The following GUCY1B1 variants were observed in gnomAD, a reference collection of about 807,000 sequenced individuals.
GUCY1B1 encodes the protein guanylate cyclase 1 soluble subunit beta 1.
A neutral mutation model predicts 71.0 loss-of-function variants in GUCY1B1; 43 were observed. The ratio of observed to expected loss-of-function variants is 0.61; its 90% confidence interval spans 0.47 to 0.78. GUCY1B1 has a LOEUF of 0.78. Among genes scored for constraint, GUCY1B1 ranks in the 30% least tolerant of loss-of-function variants. GUCY1B1 has a pLI of 0.00. For synonymous variants in GUCY1B1, 266 were observed against 259.7 expected (o/e 1.02, Z -0.23); for missense variants, 535 against 754.1 (o/e 0.71, Z 3.40).
rs979612279 is a variant in GUCY1B1, at chr4:155,785,738, T to C, written c.298-3976T>C. On this transcript the variant is annotated intron_variant, in intron 4 of 13. Coordinates refer to ENST00000264424, the MANE Select transcript of GUCY1B1 (RefSeq NM_000857.5). ...GTAATTACTTTAAATTTTGAAAGAG[T>C]AAAGCCAAGTAAGGAAGGTTGTAAC... Among the ~76,000 whole-genome samples the C allele has an allele frequency of 5.9e-5, 9 of 152,130 alleles. 1 individual carries two copies. In the East Asian group the frequency reaches 1.7e-3, roughly 29 times the overall value.
At chr4:155,782,119 A>T (rs1232333165) in intron 4 of GUCY1B1, among the ~76,000 whole-genome samples, 1 of 152,084 alleles carries the variant, frequency 6.6e-6, no homozygotes, top group African/African-American at 2.4e-5. Context: ...TCTGTCGCCC[A>T]GGCTGGAGTG....
chr4:155,778,470 C>T (rs117144794), intron 4 of GUCY1B1, among the ~76,000 whole-genome samples: 1 of 152,190 alleles, frequency 6.6e-6, no homozygotes, highest in Non-Finnish European at 1.5e-5. Flanking sequence ...GATGTCAGTG[C>T]AATACTAGCT....
intron 7 of GUCY1B1, among the ~76,000 whole-genome samples, 184 bp downstream of exon 7, chr4:155,795,641 T>C (rs1224552905): frequency 6.6e-6 from 1 of 152,288 alleles, no homozygotes; most frequent in East Asian, 1.9e-4. Context: ...TGGAACTCTA[T>C]CAACTGATTA....
rs1739986844 is a variant in GUCY1B1 at position 155,802,001 on chromosome 4, C to A, written c.1176-341C>A. 1.3e-5 allele frequency among the ~76,000 whole-genome samples: 2 copies of A among 152,118 alleles called. No homozygotes were observed. On this transcript the variant is annotated intron_variant, in intron 9 of 13. Coordinates refer to ENST00000264424, the MANE Select transcript of GUCY1B1 (RefSeq NM_000857.5). This position sits in a 1 kb window ranked among gnomAD's most constrained non-coding sequence, Gnocchi z 4.3. ...ATGACAGTCTTCATACTGTGACTATCGTAATAGCAGGGTCAGAATACAGGA... is the reference window on the plus strand; with the variant it reads ...ATGACAGTCTTCATACTGTGACTATAGTAATAGCAGGGTCAGAATACAGGA...
Position 155,777,524 on chromosome 4 carries a change from A to T in GUCY1B1, c.179A>T (p.Asn60Ile). ...TTCCCCTCTTGAATTTGTAAAATAG[A>T]TCTCAATGCTGGAGAAATCCTCCAA... ...DLVAAASKVL[N>I]LNAGEILQMF... Residue 60 changes from asparagine to isoleucine, a missense_variant and splice_region_variant, in exon 4 of 14, where the codon AAT becomes ATT. Transcript: ENST00000264424. 6.6e-7 allele frequency: 1 copy of T among 1,513,040 alleles called. No homozygotes were observed. The highest frequency in any genetic ancestry group is 9.2e-7 in the Non-Finnish European group (1 of 1,088,284). The allele number at this position is 1,513,040 out of a possible 1,614,324, so 93.7% of individuals were successfully genotyped here.
intron 4 of GUCY1B1, among the ~76,000 whole-genome samples, 191 bp from the exon 5 acceptor site, chr4:155,789,523 A>C (rs965809590): frequency 8.6e-5 from 13 of 152,034 alleles, no homozygotes; most frequent in Non-Finnish European, 1.8e-4. Flanking sequence ...TAATTCTACT[A>C]TCTTAGTTTC....
At chr4:155,806,274 C>A in intron 13 of GUCY1B1, 112 bp from the exon 14 acceptor site, 1 of 648,538 alleles carries the variant, frequency 1.5e-6, no homozygotes, top group Non-Finnish European at 2.7e-6. Flanking sequence ...TTTACAGAAA[C>A]TGTAGATGTG....
chr4:155,772,871 A>G, intron 2 of GUCY1B1: 1 of 691,704 alleles, frequency 1.4e-6, no homozygotes, highest in Admixed American at 2.0e-5. Context: ...CAAATAAATT[A>G]TAAGCTCTGA....
chr4:155,795,892 A>G (rs968851666), intron 7 of GUCY1B1, among the ~76,000 whole-genome samples: 1 of 152,142 alleles, frequency 6.6e-6, no homozygotes, highest in Admixed American at 6.6e-5. Context: ...CACACAGTTG[A>G]TAATTTAGAT....
At chr4:155,776,877 T>C (rs1042480931) in intron 3 of GUCY1B1, among the ~76,000 whole-genome samples, 1 of 152,152 alleles carries the variant, frequency 6.6e-6, no homozygotes, top group African/African-American at 2.4e-5. Flanking sequence ...AAAAAAGAAG[T>C]AGTATATCAA....
intron 11 of GUCY1B1, 49 bp from the exon 12 acceptor site, chr4:155,804,544 T>G (rs1385507434): frequency 6.8e-7 from 1 of 1,470,996 alleles, no homozygotes; most frequent in Non-Finnish European, 9.3e-7. Context: ...AAAAAAAAAT[T>G]CATGTGTTAG....
intron 5 of GUCY1B1, among the ~76,000 whole-genome samples, chr4:155,791,216 G>C (rs1579235916): frequency 6.6e-6 from 1 of 150,898 alleles, no homozygotes; most frequent in Non-Finnish European, 1.5e-5. Context: ...CCGGGTTCAC[G>C]CCATTCTCCT....
chr4:155,771,336 G>A (rs890204741), intron 2 of GUCY1B1, among the ~76,000 whole-genome samples: 4 of 152,196 alleles, frequency 2.6e-5, no homozygotes, highest in Non-Finnish European at 4.4e-5. Flanking sequence ...AGAGAGAAAG[G>A]AAAGGACCAA....
At chr4:155,777,111 T>A (rs945354304) in intron 3 of GUCY1B1, among the ~76,000 whole-genome samples, 8 of 152,224 alleles carry the variant, frequency 5.3e-5, no homozygotes, top group Non-Finnish European at 1.0e-4. Flanking sequence ...TGCACAATAT[T>A]TTAAATGATT....
At chr4:155,774,823 C>T in intron 2 of GUCY1B1, 145 bp from the exon 3 acceptor site, 1 of 618,372 alleles carries the variant, frequency 1.6e-6, no homozygotes, top group Non-Finnish European at 2.9e-6. Flanking sequence ...ATTTTAGGTA[C>T]ATGATGATGT....
chr4:155,792,270 C>A (rs996831456), intron 5 of GUCY1B1, among the ~76,000 whole-genome samples: 1 of 151,776 alleles, frequency 6.6e-6, no homozygotes, highest in African/African-American at 2.4e-5. Flanking sequence ...ATTAGAAAAG[C>A]TATTTGTTTT....
intron 6 of GUCY1B1, among the ~76,000 whole-genome samples, chr4:155,794,455 C>A (rs1222699386): frequency 6.6e-6 from 1 of 151,938 alleles, no homozygotes; most frequent in Non-Finnish European, 1.5e-5. Context: ...TAAAAATCAA[C>A]TATTGATGGT....
At chr4:155,786,182 A>G (rs756234159) in intron 4 of GUCY1B1, among the ~76,000 whole-genome samples, 12 of 151,900 alleles carry the variant, frequency 7.9e-5, no homozygotes, top group Non-Finnish European at 1.5e-4. Flanking sequence ...ATATAAGCAC[A>G]TTGGTACATT....
At chr4:155,781,763 T>A (rs1295775750) in intron 4 of GUCY1B1, among the ~76,000 whole-genome samples, 1 of 151,998 alleles carries the variant, frequency 6.6e-6, no homozygotes, top group Non-Finnish European at 1.5e-5. Context: ...TTAGAATTGA[T>A]TTTTTCTTAA....
Sources: allele counts gnomAD v4.1 joint callset (sites outside exome capture counted in the v4.1 genomes callset), GRCh38; gene constraint gnomAD v4.1.1; non-coding constraint Gnocchi (gnomAD v3.1); transcripts MANE v1.5; gene names NCBI Gene and HGNC (gene_info 2026-07-23, HGNC 2026-07-21).